The following CABCOCO1 variants were observed in gnomAD, a reference collection of about 807,000 sequenced individuals.
CABCOCO1 encodes the protein ciliary associated calcium binding coiled-coil 1, also known as ciliary-associated calcium-binding coiled-coil protein 1.
A neutral mutation model predicts 35.7 loss-of-function variants in CABCOCO1; 28 were observed. That is an observed-to-expected ratio of 0.78 (90% CI 0.58 to 1.07). CABCOCO1 has a LOEUF of 1.07. Ranked by LOEUF, CABCOCO1 falls within the 50% of genes least tolerant of loss-of-function variation. The probability of loss-of-function intolerance (pLI) is 0.00; values close to 1 mark genes in which losing one functional copy is unlikely to be tolerated. For synonymous variants in CABCOCO1, 95 were observed against 100.1 expected, an observed-to-expected ratio of 0.95 and a Z score of 0.30; for missense variants, 326 against 309.2, an observed-to-expected ratio of 1.05 and a Z score of -0.41.
intron 7 of CABCOCO1, among the ~76,000 whole-genome samples, chr10:61,765,477 T>A (rs1267722333): frequency 6.6e-6 from 1 of 152,210 alleles, no homozygotes. Context: ...GTTCTAATTG[T>A]AAGGTTATTT....
chr10:61,679,281 T>TTATATCTATATCTATATC (rs750117600), intron 2 of CABCOCO1, among the ~76,000 whole-genome samples: 2,100 of 140,972 alleles, frequency 0.015, 36 homozygotes, highest in East Asian at 0.054. Context: ...TAGAATGAGC[T>TTATATCTATATCTATATC]TATATCTATA....
chr10:61,685,935 A>C, intron 3 of CABCOCO1, 106 bp from the exon 4 acceptor site: 2 of 954,180 alleles, frequency 2.1e-6, no homozygotes, highest in South Asian at 1.7e-5. Flanking sequence ...TATCCTCACA[A>C]ATACTTAACA....
At chr10:61,754,031 C>G (rs947051970) in intron 5 of CABCOCO1, among the ~76,000 whole-genome samples, 3 of 152,060 alleles carry the variant, frequency 2.0e-5, no homozygotes, top group Non-Finnish European at 4.4e-5. Context: ...GAAAGATGAT[C>G]CTTTCAATAA....
At chr10:61,692,800 G>A (rs2131998719) in intron 5 of CABCOCO1, among the ~76,000 whole-genome samples, 1 of 152,238 alleles carries the variant, frequency 6.6e-6, no homozygotes, top group East Asian at 1.9e-4. Context: ...TAAATTAGGT[G>A]TCACTTGACA....
chr10:61,694,794 G>A (rs189325829), intron 5 of CABCOCO1, among the ~76,000 whole-genome samples: 1 of 152,176 alleles, frequency 6.6e-6, no homozygotes, highest in East Asian at 1.9e-4. Context: ...GTGGAGCTAG[G>A]AGAACAAAAA....
chr10:61,762,967 A>G lies in CABCOCO1; in HGVS notation c.816+1964A>G, dbSNP rs967522703. 2.6e-5 allele frequency among the ~76,000 whole-genome samples: 4 copies of G among 151,928 alleles called. No homozygotes were observed. In the East Asian group the frequency reaches 7.7e-4, roughly 29 times the overall value. ...ATTTTAGATGTGTAGGTTATTTTCCACTTCTAAAACCTGCCTTCCAGTGTT... is the reference window on the plus strand; with the variant it reads ...ATTTTAGATGTGTAGGTTATTTTCCGCTTCTAAAACCTGCCTTCCAGTGTT... On this transcript the variant is annotated intron_variant, in intron 7 of 7. Transcript: ENST00000648843.
chr10:61,667,228 TTTA>T lies in CABCOCO1; in HGVS notation c.60+4199_60+4201del, dbSNP rs560065477. 2.0e-3 allele frequency among the ~76,000 whole-genome samples: 294 copies of T among 147,950 alleles called. 1 individual carries two copies. The highest frequency in any genetic ancestry group is 6.8e-3 in the African/African-American group (278 of 40,728). ...AAATTATATGTTTATTATATACATT[TTTA>T]TTTTAAAAATTTTGTATATGCATAC... On this transcript the variant is annotated intron_variant, in intron 1 of 7. Coordinates refer to ENST00000648843, the MANE Select transcript of CABCOCO1 (RefSeq NM_001366906.2).
chr10:61,728,924 A>T (rs1005565882), intron 5 of CABCOCO1, among the ~76,000 whole-genome samples: 1 of 152,162 alleles, frequency 6.6e-6, no homozygotes, highest in African/African-American at 2.4e-5. Flanking sequence ...GTCTACAGTC[A>T]AGATTTTCAT....
chr10:61,757,654 G>C (rs1841924843), intron 5 of CABCOCO1, among the ~76,000 whole-genome samples: 1 of 151,558 alleles, frequency 6.6e-6, no homozygotes, highest in Non-Finnish European at 1.5e-5. Flanking sequence ...TGGAAGCTGG[G>C]AAGTTCCAAG....
At chr10:61,710,580 C>T (rs1315197474) in intron 5 of CABCOCO1, among the ~76,000 whole-genome samples, 1 of 151,920 alleles carries the variant, frequency 6.6e-6, no homozygotes, top group Middle Eastern at 3.2e-3. Flanking sequence ...CACCTGGTTT[C>T]AGCTCTGATG....
intron 2 of CABCOCO1, among the ~76,000 whole-genome samples, chr10:61,675,575 C>G (rs1839488909): frequency 6.6e-6 from 1 of 152,054 alleles, no homozygotes; most frequent in Non-Finnish European, 1.5e-5. Flanking sequence ...AGAACATATG[C>G]AAATATTCAG....
intron 5 of CABCOCO1, among the ~76,000 whole-genome samples, chr10:61,740,490 T>A (rs1228125071): frequency 6.6e-6 from 1 of 152,208 alleles, no homozygotes; most frequent in Non-Finnish European, 1.5e-5. Flanking sequence ...ATGATTTAAG[T>A]GACATTTTAA....
At chr10:61,707,369 G>A (rs1382028431) in intron 5 of CABCOCO1, among the ~76,000 whole-genome samples, 3 of 152,140 alleles carry the variant, frequency 2.0e-5, no homozygotes, top group Non-Finnish European at 1.5e-5. Context: ...TTAGGTTGTT[G>A]TGGCAGAACC....
At chr10:61,762,116 T>A (rs980386168) in intron 7 of CABCOCO1, among the ~76,000 whole-genome samples, 1 of 152,110 alleles carries the variant, frequency 6.6e-6, no homozygotes, top group Non-Finnish European at 1.5e-5. Context: ...TCTGATAACA[T>A]TTCATCTAAA....
intron 5 of CABCOCO1, among the ~76,000 whole-genome samples, chr10:61,747,166 G>A (rs1841681220): frequency 6.6e-6 from 1 of 152,014 alleles, no homozygotes; most frequent in African/African-American, 2.4e-5. Context: ...AAACCAAAAT[G>A]AAATTATTCA....
chr10:61,667,781 T>C (rs867389981), intron 1 of CABCOCO1, among the ~76,000 whole-genome samples: 1 of 151,994 alleles, frequency 6.6e-6, no homozygotes, highest in Middle Eastern at 3.5e-3. Context: ...AATGTCCACT[T>C]TCTTAGGTAT....
intron 1 of CABCOCO1, among the ~76,000 whole-genome samples, chr10:61,667,297 C>A (rs1277574140): frequency 6.7e-6 from 1 of 150,088 alleles, no homozygotes; most frequent in African/African-American, 2.4e-5. Context: ...TCTTTGGATT[C>A]TTTATGCTTT....
intron 5 of CABCOCO1, among the ~76,000 whole-genome samples, chr10:61,690,925 CT>C: frequency 6.6e-6 from 1 of 151,964 alleles, no homozygotes; most frequent in Non-Finnish European, 1.5e-5. Flanking sequence ...AAAAAAACAA[CT>C]AGTAATTTGC....
intron 5 of CABCOCO1, among the ~76,000 whole-genome samples, chr10:61,700,394 A>G (rs1242541175): frequency 6.6e-6 from 1 of 152,124 alleles, no homozygotes; most frequent in Non-Finnish European, 1.5e-5. Flanking sequence ...GCATATTTAC[A>G]AGAGAAAATA....
Sources: allele counts gnomAD v4.1 joint callset (sites outside exome capture counted in the v4.1 genomes callset), GRCh38; gene constraint gnomAD v4.1.1; transcripts MANE v1.5; gene names NCBI Gene and HGNC (gene_info 2026-07-23, HGNC 2026-07-21).